The following OXSR1 variants were observed in gnomAD, a reference collection of about 807,000 sequenced individuals.
OXSR1 encodes the protein oxidative stress responsive kinase 1, also known as serine/threonine-protein kinase OSR1.
Under a neutral mutation model 79.8 loss-of-function variants are expected in OXSR1, and 24 were observed. The observed-to-expected ratio is 0.30, with a 90% CI of 0.22 to 0.42. The LOEUF is 0.42. OXSR1 is among the 10% of genes least tolerant of loss of function. The pLI is 1.00. For missense variants in OXSR1, 430 were observed against 618.4 expected (o/e 0.70, Z 3.23); for synonymous variants, 226 against 209.2 (o/e 1.08, Z -0.69).
At chr3:38,197,859 T>C (rs1702095746) in intron 3 of OXSR1, among the ~76,000 whole-genome samples, 1 of 152,230 alleles carries the variant, frequency 6.6e-6, no homozygotes, top group Non-Finnish European at 1.5e-5. Context: ...ATTGAGGTGT[T>C]GTACAAAGAA....
intron 5 of OXSR1, among the ~76,000 whole-genome samples, chr3:38,220,848 G>T (rs1005033772): frequency 6.6e-6 from 1 of 152,108 alleles, no homozygotes; most frequent in African/African-American, 2.4e-5. Context: ...CACAACCAGG[G>T]CTATTTACAG....
In OXSR1 at chr3:38,241,508, A is replaced by T. The variant is rs1703034197; in HGVS notation, c.1075-1235A>T. Among the ~76,000 whole-genome samples the T allele has an allele frequency of 3.3e-5, 5 of 152,162 alleles. No individual in the cohort carries two copies. In the South Asian group the frequency reaches 1.0e-3, roughly 31 times the overall value. Reference sequence around the variant, plus strand: ...TGAGAACTATAGTGTGAAGTTATATAAGAAAATATCTCATTCTTAGGAAAT... The same window carrying T: ...TGAGAACTATAGTGTGAAGTTATATTAGAAAATATCTCATTCTTAGGAAAT... On this transcript the variant is annotated intron_variant, in intron 11 of 17. Coordinates refer to ENST00000311806, the MANE Select transcript of OXSR1 (RefSeq NM_005109.3).
intron 1 of OXSR1, among the ~76,000 whole-genome samples, chr3:38,176,031 C>T (rs949259624): frequency 4.6e-5 from 7 of 152,046 alleles, no homozygotes; most frequent in African/African-American, 1.7e-4. Flanking sequence ...TCCTTTTGTT[C>T]TTTAAAAAAT....
intron 4 of OXSR1, among the ~76,000 whole-genome samples, chr3:38,213,075 CTGCTGAGAATGGATTATTG>C (rs931103231): frequency 3.3e-5 from 5 of 152,140 alleles, no homozygotes; most frequent in African/African-American, 1.2e-4. Context: ...AGTGCAGGCT[CTGCTGAGAATGGATTATTG>C]TCTCTTCACT....
At chr3:38,220,831 A>G (rs1702574240) in intron 5 of OXSR1, among the ~76,000 whole-genome samples, 1 of 152,192 alleles carries the variant, frequency 6.6e-6, no homozygotes, top group Non-Finnish European at 1.5e-5. Flanking sequence ...GTGAGGGAGT[A>G]CAGATACACA....
intron 10 of OXSR1, among the ~76,000 whole-genome samples, chr3:38,231,464 T>C (rs1182970077): frequency 6.6e-6 from 1 of 152,200 alleles, no homozygotes; most frequent in African/African-American, 2.4e-5. Flanking sequence ...GGCTCATTCC[T>C]TCACTTTATG....
At chr3:38,193,029 T>C (rs1034061303) in intron 3 of OXSR1, among the ~76,000 whole-genome samples, 2 of 152,230 alleles carry the variant, frequency 1.3e-5, no homozygotes, top group African/African-American at 4.8e-5. Flanking sequence ...GTTTTTCTAC[T>C]TAGCAATTGT....
Position 38,165,581 on chromosome 3 carries a change from G to GGGTGGAGGGCGGGACAGAGGGGCTGT in OXSR1, c.-295_-294insGTGGAGGGCGGGACAGAGGGGCTGTG. 2.4e-6 allele frequency: 1 copy of GGGTGGAGGGCGGGACAGAGGGGCTGT among 421,770 alleles called. No homozygotes were observed. Among genetic ancestry groups the GGGTGGAGGGCGGGACAGAGGGGCTGT allele is most frequent in the Non-Finnish European group, 4.2e-6 (1 of 236,212 alleles). The allele number at this position is 421,770 out of a possible 1,614,324, so 26.1% of individuals were successfully genotyped here. ...GGTGGAGGGCGGGACAGAGGGGCTG[G>GGGTGGAGGGCGGGACAGAGGGGCTGT]GCCCAGGCAAAGCTTCTGTCGCTGC... On this transcript the variant is annotated 5_prime_UTR_variant, in exon 1 of 18. Coordinates refer to ENST00000311806, the MANE Select transcript of OXSR1 (RefSeq NM_005109.3).
At chr3:38,204,471 C>T (rs1332728996) in intron 4 of OXSR1, among the ~76,000 whole-genome samples, 1 of 152,036 alleles carries the variant, frequency 6.6e-6, no homozygotes, top group Non-Finnish European at 1.5e-5. Context: ...GTCTCTGAGT[C>T]TCACCTAAGG....
At chr3:38,178,620 A>ATATATATTT (rs1265646743) in intron 1 of OXSR1, among the ~76,000 whole-genome samples, 3 of 95,106 alleles carry the variant, frequency 3.2e-5, no homozygotes, top group African/African-American at 8.9e-5. Context: ...ATATATATAT[A>ATATATATTT]TTTTTTTTTT....
At chr3:38,176,498 C>A (rs1230260907) in intron 1 of OXSR1, among the ~76,000 whole-genome samples, 1 of 152,136 alleles carries the variant, frequency 6.6e-6, no homozygotes. Flanking sequence ...TACCGCATTA[C>A]CATAATCTTC....
intron 2 of OXSR1, among the ~76,000 whole-genome samples, chr3:38,186,144 A>G (rs1261352670): frequency 2.0e-5 from 3 of 152,058 alleles, no homozygotes; most frequent in Non-Finnish European, 4.4e-5. Flanking sequence ...TAGACAGCCT[A>G]GAAACCATAA....
intron 12 of OXSR1, 138 bp downstream of exon 12, chr3:38,242,916 C>T (rs766086247): frequency 9.0e-6 from 4 of 446,184 alleles, no homozygotes; most frequent in Admixed American, 3.8e-5. Flanking sequence ...TAAAAGTTGG[C>T]GTAAGGGCTC....
Position 38,215,643 on chromosome 3 carries a change from T to G in OXSR1, c.435-453T>G, listed in dbSNP as rs11706800. Among the ~76,000 whole-genome samples the G allele has an allele frequency of 9.3e-3, 1,409 of 152,270 alleles. 12 individuals are homozygous for G. The highest frequency in any genetic ancestry group is 0.012 in the Non-Finnish European group (819 of 68,014). On this transcript the variant is annotated intron_variant, in intron 4 of 17. Transcript: ENST00000311806. ...TGTTTAGGTTTTTAAAACAAGAATATTTTTCTATATTACGTGTTATAAATA... is the reference window on the plus strand; with the variant it reads ...TGTTTAGGTTTTTAAAACAAGAATAGTTTTCTATATTACGTGTTATAAATA...
At position 38,253,565 on chromosome 3, in the gene OXSR1, C is replaced by G. The variant is rs1218137139; in HGVS notation, c.*674C>G. The G allele has an allele frequency of 6.6e-6, 1 of 152,640 alleles. No individual in the cohort carries two copies. Among genetic ancestry groups the G allele is most frequent in the African/African-American group, 2.4e-5 (1 of 41,440 alleles). 9.5% of individuals were successfully genotyped at this position (152,640 alleles called of 1,614,324 possible). A position where few individuals can be genotyped will look rare whatever the true frequency, so the allele number is the denominator to read the frequency against. ...CTTAACTTCAGCTGGTGCAAAACAT[C>G]TGACTGTAGCCGAACTTCAGCCATC... On this transcript the variant is annotated 3_prime_UTR_variant, in exon 18 of 18. Transcript: ENST00000311806.
chr3:38,223,692 C>T lies in OXSR1; in HGVS notation c.601-120C>T, dbSNP rs951098211. 25 of 550,080 alleles carry T rather than the reference C, an allele frequency of 4.5e-5. No homozygotes were observed. The East Asian group carries it at 5.1e-4, about 11-fold the overall frequency. 34.1% of individuals were successfully genotyped at this position (550,080 alleles called of 1,614,324 possible). A position where few individuals can be genotyped will look rare whatever the true frequency, so the allele number is the denominator to read the frequency against. On this transcript the variant is annotated intron_variant, in intron 6 of 17. Transcript: ENST00000311806. ...CTTGAACTCCCAACCTCAGGTGATTCGCCTGCCTCAGCCTCCCAAAGTGCT... is the reference window on the plus strand; with the variant it reads ...CTTGAACTCCCAACCTCAGGTGATTTGCCTGCCTCAGCCTCCCAAAGTGCT...
intron 4 of OXSR1, among the ~76,000 whole-genome samples, chr3:38,206,906 CT>C (rs1702273316): frequency 6.6e-6 from 1 of 152,098 alleles, no homozygotes; most frequent in Admixed American, 6.5e-5. Flanking sequence ...TCTCTTTTGC[CT>C]TATTTTCTCA....
At chr3:38,221,757 C>T (rs2125836048) in intron 6 of OXSR1, 70 bp downstream of exon 6, 1 of 868,314 alleles carries the variant, frequency 1.2e-6, no homozygotes, top group Non-Finnish European at 1.9e-6. Flanking sequence ...CTTAATAGTG[C>T]TTGCTTTTCT....
rs1701438058 is a variant in OXSR1 at position 38,165,845 on chromosome 3, T to G, written c.-32T>G. 1 of 1,591,102 alleles carries G rather than the reference T, an allele frequency of 6.3e-7. No individual in the cohort carries two copies. The highest frequency in any genetic ancestry group is 8.6e-7 in the Non-Finnish European group (1 of 1,167,352). ...GAGGAGACGAGCGAGGTCAGCGAGT[T>G]TGAGGGAGGACCGCGAGCCGCTGCC... On this transcript the variant is annotated 5_prime_UTR_variant, in exon 1 of 18. Coordinates refer to ENST00000311806, the MANE Select transcript of OXSR1 (RefSeq NM_005109.3).
Sources: gnomAD v4.1 joint callset for allele counts (sites outside exome capture counted in the v4.1 genomes callset) on GRCh38, gnomAD v4.1.1 for gene constraint, MANE v1.5 for transcripts, NCBI Gene and HGNC (gene_info 2026-07-23, HGNC 2026-07-21) for gene names.